CCDC148: variants seen among roughly 807,000 people sequenced by gnomAD.
CCDC148 encodes coiled-coil domain containing 148, also known as coiled-coil domain-containing protein 148.
A neutral mutation model predicts 85.7 loss-of-function variants in CCDC148; 89 were observed. The ratio of observed to expected loss-of-function variants is 1.04; its 90% CI spans 0.87 to 1.24. CCDC148 has a LOEUF of 1.24. Among genes scored for constraint, CCDC148 ranks in the 50% most tolerant of loss-of-function variants. The pLI is 0.00. For synonymous variants in CCDC148, 230 were observed against 213.9 expected, an observed-to-expected ratio of 1.08 and a Z score of -0.66; for missense variants, 692 against 671.7, an observed-to-expected ratio of 1.03 and a Z score of -0.33.
intron 1 of CCDC148, among the ~76,000 whole-genome samples, chr2:158,388,253 A>C (rs1221564432): frequency 6.6e-6 from 1 of 152,206 alleles, no homozygotes; most frequent in Non-Finnish European, 1.5e-5. Flanking sequence ...TATTCCAAGA[A>C]ATTGAAACCC....
chr2:158,438,584 A>G (rs1286322928), intron 1 of CCDC148, among the ~76,000 whole-genome samples: 3 of 152,192 alleles, frequency 2.0e-5, no homozygotes, highest in Non-Finnish European at 4.4e-5. Context: ...TCATGTCCAA[A>G]ACACCAAAAG....
At chr2:158,223,901 A>G (rs1016967298) in intron 10 of CCDC148, among the ~76,000 whole-genome samples, 2 of 152,242 alleles carry the variant, frequency 1.3e-5, no homozygotes, top group African/African-American at 4.8e-5. Flanking sequence ...GAAACTCTAA[A>G]AATCAGAGTG....
intron 9 of CCDC148, among the ~76,000 whole-genome samples, chr2:158,272,583 A>T (rs1689745425): frequency 6.6e-6 from 1 of 152,176 alleles, no homozygotes; most frequent in South Asian, 2.1e-4. Context: ...CTTTTGATGA[A>T]GCTGCAGAAT....
chr2:158,198,286 A>C (rs1685778287), intron 11 of CCDC148, among the ~76,000 whole-genome samples: 1 of 152,150 alleles, frequency 6.6e-6, no homozygotes, highest in Non-Finnish European at 1.5e-5. Flanking sequence ...CTTGGCCTTC[A>C]GGTTCTTGAA....
intron 9 of CCDC148, among the ~76,000 whole-genome samples, chr2:158,309,006 C>T (rs1691835905): frequency 6.6e-6 from 1 of 152,146 alleles, no homozygotes; most frequent in Non-Finnish European, 1.5e-5. Context: ...GCAAGCTTGC[C>T]CCAATGTATT....
chr2:158,454,350 AAG>A (rs1377240812), intron 1 of CCDC148, among the ~76,000 whole-genome samples: 13 of 152,218 alleles, frequency 8.5e-5, no homozygotes, highest in Non-Finnish European at 1.8e-4. Context: ...CACATCATGT[AAG>A]AGAGAAATTA....
intron 3 of CCDC148, among the ~76,000 whole-genome samples, chr2:158,344,769 T>G (rs1682910115): frequency 1.3e-5 from 2 of 152,160 alleles, no homozygotes; most frequent in Non-Finnish European, 1.5e-5. Flanking sequence ...TTGAACTCCT[T>G]GTTCATTAGT....
intron 9 of CCDC148, among the ~76,000 whole-genome samples, chr2:158,259,403 C>T (rs1348946960): frequency 6.6e-6 from 1 of 151,876 alleles, no homozygotes; most frequent in Non-Finnish European, 1.5e-5. Flanking sequence ...GCTTTACCTA[C>T]CACCCGGCAC....
Position 158,214,804 on chromosome 2 carries a change from A to T in CCDC148, c.1370+5791T>A, listed in dbSNP as rs1464035124. ...TAATTTCTGTCCTCCCCAGAAAAAAAAAAAGATGAACTTTTCTAAAGGATC... is the reference window on the plus strand; with the variant it reads ...TAATTTCTGTCCTCCCCAGAAAAAATAAAAGATGAACTTTTCTAAAGGATC... On this transcript the variant is annotated intron_variant, in intron 11 of 13. Coordinates refer to ENST00000283233, the MANE Select transcript of CCDC148 (RefSeq NM_138803.4). 4.6e-5 allele frequency among the ~76,000 whole-genome samples: 7 copies of T among 152,184 alleles called. No individual in the cohort carries two copies. In the East Asian group the frequency reaches 1.3e-3, roughly 29 times the overall value.
chr2:158,405,503 A>G (rs995270259), intron 1 of CCDC148, among the ~76,000 whole-genome samples: 1 of 152,184 alleles, frequency 6.6e-6, no homozygotes, highest in African/African-American at 2.4e-5. Context: ...ATAGACACAA[A>G]TCACATTTGA....
intron 1 of CCDC148, among the ~76,000 whole-genome samples, chr2:158,381,385 T>C (rs1684863052): frequency 1.3e-5 from 2 of 152,144 alleles, no homozygotes; most frequent in African/African-American, 2.4e-5. Flanking sequence ...CTTTATCCAT[T>C]AGCAAAATCC....
intron 10 of CCDC148, among the ~76,000 whole-genome samples, chr2:158,223,603 G>A (rs905296213): frequency 3.3e-5 from 5 of 152,118 alleles, no homozygotes; most frequent in Non-Finnish European, 7.3e-5. Flanking sequence ...ACATGGCTGG[G>A]TACTCCTCTG....
At chr2:158,393,241 A>G (rs1316303777) in intron 1 of CCDC148, 1 of 152,088 alleles carries the variant, frequency 6.6e-6, no homozygotes, top group Admixed American at 6.6e-5. Flanking sequence ...ATTGCCTTAG[A>G]TTTCAAATCA....
intron 11 of CCDC148, among the ~76,000 whole-genome samples, chr2:158,190,268 T>G (rs1685359804): frequency 6.6e-6 from 1 of 151,968 alleles, no homozygotes; most frequent in Admixed American, 6.6e-5. Context: ...GCAGAAATAA[T>G]GTTGGCTTTC....
intron 7 of CCDC148, among the ~76,000 whole-genome samples, chr2:158,335,311 C>G (rs1682319739): frequency 6.6e-6 from 1 of 152,202 alleles, no homozygotes; most frequent in Non-Finnish European, 1.5e-5. Context: ...TATGCTAACC[C>G]TACTCATTCT....
intron 2 of CCDC148, among the ~76,000 whole-genome samples, chr2:158,356,794 C>T (rs113831004): frequency 0.16 from 20,896 of 133,152 alleles, 2,694 homozygotes; most frequent in African/African-American, 0.37. Context: ...ATGTTTATTG[C>T]GGCATTATTC....
At chr2:158,270,535 T>G (rs1689652016) in intron 9 of CCDC148, among the ~76,000 whole-genome samples, 1 of 152,176 alleles carries the variant, frequency 6.6e-6, no homozygotes, top group Non-Finnish European at 1.5e-5. Context: ...GAAATGTCCA[T>G]ATAGAGAACA....
chr2:158,220,506 A>T, intron 11 of CCDC148, 89 bp downstream of exon 11: 5 of 825,614 alleles, frequency 6.1e-6, no homozygotes, highest in Non-Finnish European at 9.8e-6. Flanking sequence ...GTATAGAAAA[A>T]AGTTCCCTCT....
At chr2:158,330,931 T>C (rs1162427086) in intron 7 of CCDC148, among the ~76,000 whole-genome samples, 1 of 152,190 alleles carries the variant, frequency 6.6e-6, no homozygotes, top group East Asian at 1.9e-4. Flanking sequence ...TGGCAGTCTA[T>C]CAATTTTGTT....
Sources: allele counts gnomAD v4.1 joint callset (sites outside exome capture counted in the v4.1 genomes callset), GRCh38; gene constraint gnomAD v4.1.1; transcripts MANE v1.5; gene names NCBI Gene and HGNC (gene_info 2026-07-23, HGNC 2026-07-21).